BMPR2: variants seen among roughly 807,000 people sequenced by gnomAD.
BMPR2 encodes bone morphogenetic protein receptor type-2.
A neutral mutation model predicts 100.8 loss-of-function variants in BMPR2; 29 were observed. The observed-to-expected ratio is 0.29, with a 90% CI of 0.21 to 0.39. The LOEUF (loss-of-function observed/expected upper bound fraction) is 0.39. BMPR2 is among the 10% of genes least tolerant of loss of function. BMPR2 has a pLI of 1.00. For synonymous variants in BMPR2, 382 were observed against 442.3 expected (o/e 0.86, Z 1.71); for missense variants, 1,011 against 1,274.5 (o/e 0.79, Z 3.15).
At chr2:202,401,066 A>G (rs1690762103) in intron 1 of BMPR2, among the ~76,000 whole-genome samples, 1 of 152,218 alleles carries the variant, frequency 6.6e-6, no homozygotes, top group Non-Finnish European at 1.5e-5. Flanking sequence ...ATTTTATAAC[A>G]TTCTTATTAT....
intron 10 of BMPR2, among the ~76,000 whole-genome samples, chr2:202,543,377 A>T (rs1302327383): frequency 6.6e-6 from 1 of 150,966 alleles, no homozygotes; most frequent in Non-Finnish European, 1.5e-5. Context: ...ACACTCATAT[A>T]ATCTTTTAGT....
intron 3 of BMPR2, among the ~76,000 whole-genome samples, chr2:202,508,330 A>T (rs1687564927): frequency 6.6e-6 from 1 of 151,916 alleles, no homozygotes; most frequent in African/African-American, 2.4e-5. Flanking sequence ...TGACCTCGTG[A>T]TCCACCCGCC....
At chr2:202,411,244 C>G (rs1429368255) in intron 1 of BMPR2, among the ~76,000 whole-genome samples, 2 of 152,166 alleles carry the variant, frequency 1.3e-5, no homozygotes, top group Non-Finnish European at 2.9e-5. Flanking sequence ...ACATTGACAT[C>G]TGTCAGAAGA....
chr2:202,484,530 G>A (rs966480857), intron 3 of BMPR2, among the ~76,000 whole-genome samples: 1 of 150,028 alleles, frequency 6.7e-6, no homozygotes, highest in African/African-American at 2.5e-5. Context: ...AAAAATTAGC[G>A]GGCTTGGTGG....
chr2:202,562,909 T>A lies in BMPR2; in HGVS notation c.*2963T>A, dbSNP rs1266313093. On this transcript the variant is annotated 3_prime_UTR_variant, in exon 13 of 13. Transcript: ENST00000374580. ...CATACTGAATGCTGAAGTATACATA[T>A]GCTATTTCTCTTAAACCTCAGAGCA... is the stretch of plus-strand genomic sequence containing the variant. The A allele has an allele frequency of 1.3e-5, 2 of 152,098 alleles. No individual in the cohort carries two copies. The highest frequency in any genetic ancestry group is 2.9e-5 in the Non-Finnish European group (2 of 68,024). 9.4% of individuals were successfully genotyped at this position (152,098 alleles called of 1,614,324 possible).
intron 1 of BMPR2, among the ~76,000 whole-genome samples, chr2:202,446,262 G>A (rs1274101979): frequency 6.7e-6 from 1 of 150,118 alleles, no homozygotes; most frequent in African/African-American, 2.5e-5. Context: ...AGCTGGGCAT[G>A]GTGGCGCATG....
chr2:202,426,686 C>T (rs1166967698), intron 1 of BMPR2, among the ~76,000 whole-genome samples: 1 of 151,718 alleles, frequency 6.6e-6, no homozygotes, highest in Non-Finnish European at 1.5e-5. Context: ...ATTTGAGACC[C>T]ACCTGGGCAA....
intron 3 of BMPR2, among the ~76,000 whole-genome samples, chr2:202,468,859 A>G (rs1339751017): frequency 6.6e-6 from 1 of 152,220 alleles, no homozygotes; most frequent in South Asian, 2.1e-4. Context: ...GAAAATAAAA[A>G]AGCCTATCTA....
chr2:202,492,724 C>CAA (rs1692931224), intron 3 of BMPR2, among the ~76,000 whole-genome samples: 1 of 113,826 alleles, frequency 8.8e-6, no homozygotes, highest in African/African-American at 3.3e-5. Context: ...AAAAAAAAAA[C>CAA]CAAAAAAAAA....
At chr2:202,384,231 A>C (rs1299671396) in intron 1 of BMPR2, among the ~76,000 whole-genome samples, 1 of 152,230 alleles carries the variant, frequency 6.6e-6, no homozygotes, top group Admixed American at 6.5e-5. Flanking sequence ...GCCTAGAATC[A>C]CAATGCCCAA....
chr2:202,488,468 A>C (rs1456887614), intron 3 of BMPR2, among the ~76,000 whole-genome samples: 1 of 152,112 alleles, frequency 6.6e-6, no homozygotes, highest in African/African-American at 2.4e-5. Flanking sequence ...ACAAAAAAAC[A>C]AAAAAACAGA....
At chr2:202,543,076 C>T (rs1382235502) in intron 10 of BMPR2, among the ~76,000 whole-genome samples, 1 of 150,584 alleles carries the variant, frequency 6.6e-6, no homozygotes, top group Non-Finnish European at 1.5e-5. Context: ...AGTTGGGAGG[C>T]TGAGGCAGGA....
rs577151935 is a variant in BMPR2, at chr2:202,496,066, G to A, written c.419-17653G>A. ...GTAGGACAACTCAAAAAAGTAGAGTGAACAGATGGAACCTACTCTATGATT... is the reference window on the plus strand; with the variant it reads ...GTAGGACAACTCAAAAAAGTAGAGTAAACAGATGGAACCTACTCTATGATT... On this transcript the variant is annotated intron_variant, in intron 3 of 12. Coordinates refer to ENST00000374580, the MANE Select transcript of BMPR2 (RefSeq NM_001204.7). Among the ~76,000 whole-genome samples the A allele has an allele frequency of 7.2e-5, 11 of 152,328 alleles. No individual in the cohort carries two copies. The South Asian group carries it at 1.7e-3, about 23-fold the overall frequency.
chr2:202,381,622 C>A (rs998326783), intron 1 of BMPR2, among the ~76,000 whole-genome samples: 5 of 152,168 alleles, frequency 3.3e-5, no homozygotes, highest in African/African-American at 1.2e-4. Flanking sequence ...AGTACTATTG[C>A]AGAAGAACGA....
chr2:202,384,789 C>A (rs1161425485), intron 1 of BMPR2, among the ~76,000 whole-genome samples: 1 of 151,894 alleles, frequency 6.6e-6, no homozygotes, highest in African/African-American at 2.4e-5. Flanking sequence ...GACGGGGTTT[C>A]TCCATGCTGG....
chr2:202,377,071 C>G lies in BMPR2; in HGVS notation c.-404C>G. On this transcript the variant is annotated 5_prime_UTR_variant, in exon 1 of 13. Transcript: ENST00000374580. ...TCGGGAACTAGTTCTGACCCTCGCC[C>G]CCCGACCCCGGATCGAATCCCCGCC... is the stretch of plus-strand genomic sequence containing the variant. The G allele has an allele frequency of 1.9e-6, 1 of 531,584 alleles. No individual in the cohort carries two copies. The highest frequency in any genetic ancestry group is 3.3e-6 in the Non-Finnish European group (1 of 303,738). 32.9% of individuals were successfully genotyped at this position (531,584 alleles called of 1,614,324 possible). A position where few individuals can be genotyped will look rare whatever the true frequency, so the allele number is the denominator to read the frequency against.
intron 1 of BMPR2, among the ~76,000 whole-genome samples, chr2:202,433,433 G>A (rs1181250302): frequency 6.6e-6 from 1 of 150,634 alleles, no homozygotes; most frequent in African/African-American, 2.5e-5. Flanking sequence ...TAAGACATCA[G>A]TTTGAAAAAA....
chr2:202,420,324 T>G (rs1338186976), intron 1 of BMPR2, among the ~76,000 whole-genome samples: 1 of 152,000 alleles, frequency 6.6e-6, no homozygotes, highest in East Asian at 1.9e-4. Context: ...AATATCCTTA[T>G]TAAATAAGAT....
chr2:202,452,893 G>T (rs1001459250), intron 1 of BMPR2, among the ~76,000 whole-genome samples: 3 of 152,190 alleles, frequency 2.0e-5, no homozygotes, highest in African/African-American at 7.2e-5. Context: ...CGCCTCAGTG[G>T]TCTGGGGTAA....
Sources: gnomAD v4.1 joint callset for allele counts (sites outside exome capture counted in the v4.1 genomes callset) on GRCh38, gnomAD v4.1.1 for gene constraint, MANE v1.5 for transcripts, NCBI Gene and HGNC (gene_info 2026-07-23, HGNC 2026-07-21) for gene names.